ZNF700: variants seen among roughly 807,000 people sequenced by gnomAD.
ZNF700 encodes the protein zinc finger protein 700.
In ZNF700, 38 loss-of-function variants were observed where a neutral mutation model predicts 65.3. That is an observed-to-expected ratio of 0.58 (90% confidence interval 0.45 to 0.76). The LOEUF is 0.76. ZNF700 is among the 30% of genes least tolerant of loss of function. The probability of loss-of-function intolerance (pLI) is 0.00; values close to 1 mark genes in which losing one functional copy is unlikely to be tolerated. For synonymous variants in ZNF700, 285 were observed against 290.4 expected, an observed-to-expected ratio of 0.98 and a Z score of 0.19; for missense variants, 857 against 888.4, an observed-to-expected ratio of 0.96 and a Z score of 0.45.
rs570477535 is a variant in ZNF700 at position 11,949,132 on chromosome 19, G to T, written c.1108G>T (p.Gly370Cys). Residue 370 changes from glycine (G) to cysteine (C), a missense_variant, in exon 4 of 4, where the codon GGC becomes TGC. Coordinates refer to ENST00000254321, the MANE Select transcript of ZNF700 (RefSeq NM_144566.3). ...TTATAAATGTAAGATATGTGGGAAA[G>T]GCTTTTATTCTGCCAAGTCATTTCA... ...RPYKCKICGK[G>C]FYSAKSFQTH... 1.9e-5 allele frequency: 31 copies of T among 1,612,218 alleles called. No individual in the cohort carries two copies. The South Asian group carries it at 3.1e-4, about 16-fold the overall frequency.
At position 11,947,310 on chromosome 19, in the gene ZNF700, A is replaced by G. The variant is rs537759195; in HGVS notation, c.190+3A>G. The G allele has an allele frequency of 6.2e-7, 1 of 1,613,706 alleles. No individual in the cohort carries two copies. The highest frequency in any genetic ancestry group is 2.2e-5 in the East Asian group (1 of 44,876). On this transcript the variant is annotated splice_donor_region_variant and intron_variant, in intron 2 of 3. Transcript: ENST00000254321. ...TTTCAGGAACCTGACCTCTATAGGT[A>G]AGGATGACAATATTCCTTCCGTCAG...
At chr19:11,927,350 A>G (rs986777942) in intron 1 of ZNF700, among the ~76,000 whole-genome samples, 3 of 151,892 alleles carry the variant, frequency 2.0e-5, no homozygotes, top group Non-Finnish European at 2.9e-5. Context: ...GTGAGACCCC[A>G]TCTCAAAAAC....
At chr19:11,942,504 A>G (rs279254) in intron 1 of ZNF700, among the ~76,000 whole-genome samples, 10,485 of 152,232 alleles carry the variant, frequency 0.069, 876 homozygotes, top group African/African-American at 0.2. Context: ...ACACTGGGTT[A>G]GAGAAGGAAG....
chr19:11,947,423 C>T lies in ZNF700; in HGVS notation c.191-91C>T. ...GAAATACCTTGATGAATAAATGAGG[C>T]ATGGCTGCAGTAAATCATGGGCACA... On this transcript the variant is annotated intron_variant, in intron 2 of 3. Transcript: ENST00000254321. 4 of 1,600,148 alleles carry T rather than the reference C, an allele frequency of 2.5e-6. No individual in the cohort carries two copies. The South Asian group carries it at 4.5e-5, about 18-fold the overall frequency.
At chr19:11,938,149 A>G (rs138973914) in intron 1 of ZNF700, among the ~76,000 whole-genome samples, 38 of 151,032 alleles carry the variant, frequency 2.5e-4, no homozygotes, top group African/African-American at 8.7e-4. Context: ...GCTCACTGCA[A>G]CCTCCATCTC....
chr19:11,926,272 G>A (rs892818707), intron 1 of ZNF700, among the ~76,000 whole-genome samples: 1 of 152,172 alleles, frequency 6.6e-6, no homozygotes, highest in Non-Finnish European at 1.5e-5. Flanking sequence ...ACATGAATGT[G>A]TGGGAGAGGG....
rs970472546 is a variant in ZNF700, at chr19:11,947,710, A to T, written c.251+136A>T. On this transcript the variant is annotated intron_variant, in intron 3 of 3. Transcript: ENST00000254321. ...TTCTTAGAATATTTTCTCAAAAAAC[A>T]TATATTTAAACGTGACTGAGGCTGA... 6.5e-6 allele frequency: 6 copies of T among 917,388 alleles called. No individual in the cohort carries two copies. In the African/African-American group the frequency reaches 1.0e-4, roughly 15 times the overall value. 56.8% of individuals were successfully genotyped at this position (917,388 alleles called of 1,614,324 possible).
chr19:11,934,276 C>T (rs1380585796), intron 1 of ZNF700, among the ~76,000 whole-genome samples: 4 of 147,672 alleles, frequency 2.7e-5, no homozygotes, highest in Non-Finnish European at 5.9e-5. Context: ...TTTGTGTGGA[C>T]ATCAGTTTTC....
intron 1 of ZNF700, among the ~76,000 whole-genome samples, chr19:11,939,047 T>C (rs969725119): frequency 3.5e-4 from 53 of 152,372 alleles, no homozygotes; most frequent in Middle Eastern, 3.4e-3. Flanking sequence ...TCTGTTCATG[T>C]CCTTTGCCCA....
At chr19:11,927,614 T>G (rs939984989) in intron 1 of ZNF700, among the ~76,000 whole-genome samples, 3 of 152,190 alleles carry the variant, frequency 2.0e-5, no homozygotes, top group African/African-American at 7.2e-5. Flanking sequence ...GCATGTGGGC[T>G]GACAGCATCA....
At chr19:11,925,826 T>G (rs1439785428) in intron 1 of ZNF700, among the ~76,000 whole-genome samples, 1 of 152,232 alleles carries the variant, frequency 6.6e-6, no homozygotes, top group African/African-American at 2.4e-5. Context: ...GGAGAGACCT[T>G]GGCCGAGGGA....
At chr19:11,928,450 G>GTAGTCTTACTACAGAGATCA (rs1211471159) in intron 1 of ZNF700, among the ~76,000 whole-genome samples, 1 of 151,992 alleles carries the variant, frequency 6.6e-6, no homozygotes, top group African/African-American at 2.4e-5. Flanking sequence ...AGTAGTCTCT[G>GTAGTCTTACTACAGAGATCA]GGCCGGGCGC....
intron 1 of ZNF700, among the ~76,000 whole-genome samples, chr19:11,938,927 G>A (rs1248075259): frequency 2.0e-5 from 3 of 152,126 alleles, no homozygotes; most frequent in Non-Finnish European, 2.9e-5. Context: ...TCTAACTGGT[G>A]TGAGATGGTA....
chr19:11,935,882 G>A (rs1041119301), intron 1 of ZNF700, among the ~76,000 whole-genome samples: 5 of 152,058 alleles, frequency 3.3e-5, no homozygotes, highest in East Asian at 1.9e-4. Flanking sequence ...GACAGGCCCC[G>A]GTGTGTGATG....
At chr19:11,945,852 G>A (rs967163129) in intron 1 of ZNF700, among the ~76,000 whole-genome samples, 2 of 151,970 alleles carry the variant, frequency 1.3e-5, no homozygotes, top group Admixed American at 1.3e-4. Context: ...AGGAGAAGTC[G>A]GGCATGTACA....
chr19:11,940,479 C>T (rs1230812435), intron 1 of ZNF700, among the ~76,000 whole-genome samples: 2 of 151,922 alleles, frequency 1.3e-5, no homozygotes, highest in African/African-American at 4.8e-5. Context: ...GTGTTAACAG[C>T]TCTTAAGGCA....
At chr19:11,940,721 A>T (rs898001898) in intron 1 of ZNF700, among the ~76,000 whole-genome samples, 1 of 152,086 alleles carries the variant, frequency 6.6e-6, no homozygotes, top group African/African-American at 2.4e-5. Context: ...TTATTCTCTT[A>T]TCTGGCCCCA....
chr19:11,944,412 C>T (rs1354769417), intron 1 of ZNF700, among the ~76,000 whole-genome samples: 1 of 152,188 alleles, frequency 6.6e-6, no homozygotes. Flanking sequence ...TTCATCCACT[C>T]CACCTTTCCG....
At chr19:11,930,878 A>G (rs548744190) in intron 1 of ZNF700, among the ~76,000 whole-genome samples, 2 of 147,870 alleles carry the variant, frequency 1.4e-5, no homozygotes, top group South Asian at 4.2e-4. Flanking sequence ...GCATGGCTGT[A>G]ATCCCAGCTA....
Sources: allele counts gnomAD v4.1 joint callset (sites outside exome capture counted in the v4.1 genomes callset), GRCh38; gene constraint gnomAD v4.1.1; transcripts MANE v1.5; gene names NCBI Gene and HGNC (gene_info 2026-07-23, HGNC 2026-07-21).